The following B3GAT2 variants were observed in gnomAD, a reference collection of about 807,000 sequenced individuals.
B3GAT2 encodes galactosylgalactosylxylosylprotein 3-beta-glucuronosyltransferase 2.
Under a neutral mutation model 27.8 loss-of-function variants are expected in B3GAT2, and 26 were observed. That is an observed-to-expected ratio of 0.93 (90% CI 0.68 to 1.30). The LOEUF (loss-of-function observed/expected upper bound fraction) is 1.30. Among genes scored for constraint, B3GAT2 ranks in the 50% most tolerant of loss-of-function variants. The pLI is 0.00. For synonymous variants in B3GAT2, 218 were observed against 195.1 expected (o/e 1.12, Z -0.98); for missense variants, 458 against 459.0 (o/e 1.00, Z 0.02).
chr6:70,887,369 C>T (rs138236765), intron 2 of B3GAT2, among the ~76,000 whole-genome samples: 5 of 152,322 alleles, frequency 3.3e-5, no homozygotes, highest in African/African-American at 1.2e-4. Flanking sequence ...AGAGAGCCCA[C>T]AGAAAGCAGC....
Position 70,943,522 on chromosome 6 carries a change from C to T in B3GAT2, c.591+12317G>A, listed in dbSNP as rs191102679. Among the ~76,000 whole-genome samples, 27 of 152,288 alleles carry T rather than the reference C, an allele frequency of 1.8e-4. No individual in the cohort carries two copies. The East Asian group carries it at 3.3e-3, about 18-fold the overall frequency. On this transcript the variant is annotated intron_variant, in intron 1 of 3. Transcript: ENST00000230053. ...CATTCTACCCTGAAAATTATTCTTCCGTTCAGTTCTGCCTGCCCTGACATG... is the reference window on the plus strand; with the variant it reads ...CATTCTACCCTGAAAATTATTCTTCTGTTCAGTTCTGCCTGCCCTGACATG...
intron 1 of B3GAT2, among the ~76,000 whole-genome samples, chr6:70,918,065 G>C (rs901387989): frequency 6.6e-6 from 1 of 152,128 alleles, no homozygotes; most frequent in Non-Finnish European, 1.5e-5. Context: ...CTAAGAACTT[G>C]CTTTATGAAT....
intron 1 of B3GAT2, among the ~76,000 whole-genome samples, chr6:70,924,869 C>A (rs971035560): frequency 3.3e-5 from 5 of 152,204 alleles, no homozygotes; most frequent in Non-Finnish European, 5.9e-5. Flanking sequence ...TAGATGTGAA[C>A]AATTACCAGT....
intron 1 of B3GAT2, among the ~76,000 whole-genome samples, chr6:70,918,484 T>C (rs184474134): frequency 1.6e-3 from 250 of 152,342 alleles, no homozygotes; most frequent in African/African-American, 4.8e-3. Context: ...AGTTTCTTCA[T>C]AGCATCGATG....
At chr6:70,889,907 G>A (rs1315253989) in intron 2 of B3GAT2, among the ~76,000 whole-genome samples, 1 of 151,616 alleles carries the variant, frequency 6.6e-6, no homozygotes, top group African/African-American at 2.4e-5. Flanking sequence ...TCAGCCTCCT[G>A]AGTAGCTGGG....
intron 1 of B3GAT2, among the ~76,000 whole-genome samples, chr6:70,912,984 T>C (rs888088197): frequency 8.5e-5 from 13 of 152,218 alleles, no homozygotes; most frequent in Middle Eastern, 6.8e-3. Context: ...TCTTTTAAGG[T>C]TTTTTATATT....
In B3GAT2 at chr6:70,859,706, C is replaced by A; in HGVS notation, c.*1957G>T. 1 of 204,154 alleles carries A rather than the reference C, an allele frequency of 4.9e-6. No homozygotes were observed. The allele number at this position is 204,154 out of a possible 1,614,324, so 12.6% of individuals were successfully genotyped here. On this transcript the variant is annotated 3_prime_UTR_variant, in exon 4 of 4. Transcript: ENST00000230053. Reference sequence around the variant, plus strand: ...ATGTAATCTTATGCTTTATTGCATACAATGAAAATAAATTTTAGATGTTTA... The same window carrying A: ...ATGTAATCTTATGCTTTATTGCATAAAATGAAAATAAATTTTAGATGTTTA...
intron 1 of B3GAT2, among the ~76,000 whole-genome samples, chr6:70,903,094 TCAAA>T (rs1772535570): frequency 6.6e-6 from 1 of 152,048 alleles, no homozygotes; most frequent in Non-Finnish European, 1.5e-5. Flanking sequence ...TATACATGTA[TCAAA>T]TCATCATGTT....
chr6:70,954,137 G>A (rs1765614255), intron 1 of B3GAT2, among the ~76,000 whole-genome samples: 1 of 152,234 alleles, frequency 6.6e-6, no homozygotes, highest in Admixed American at 6.5e-5. Flanking sequence ...CTTCGAAGTT[G>A]TAGAAGAAAA....
In B3GAT2 at chr6:70,861,935, A is replaced by T. The variant is rs1339543950; in HGVS notation, c.780T>A (p.Ala260=). 1 of 1,613,964 alleles carries T rather than the reference A, an allele frequency of 6.2e-7. No individual in the cohort carries two copies. The highest frequency in any genetic ancestry group is 1.3e-5 in the African/African-American group (1 of 75,042). Residue 260 remains alanine (A), a synonymous_variant, in exon 3 of 4, where the codon GCT becomes GCA. Transcript: ENST00000230053. ...GCTGGGATCCACGACGCTTAAATAC[A>T]GCTTTTGGATTGGACAAAATGACTT... ...SLQVILSNPK[A]VFKRRGSQPG... is the part of the protein sequence containing the mutation.
chr6:70,881,206 AG>A (rs1222879648), intron 2 of B3GAT2, among the ~76,000 whole-genome samples: 7 of 152,102 alleles, frequency 4.6e-5, no homozygotes, highest in Admixed American at 4.6e-4. Flanking sequence ...CTCTCACATG[AG>A]GTTATTCCAG....
chr6:70,883,646 G>T (rs1458161302), intron 2 of B3GAT2, among the ~76,000 whole-genome samples: 1 of 152,126 alleles, frequency 6.6e-6, no homozygotes, highest in Non-Finnish European at 1.5e-5. Context: ...TTGGACAGTG[G>T]TTATGGTTGC....
rs529437849 is a variant in B3GAT2 at position 70,931,636 on chromosome 6, A to G, written c.591+24203T>C. Among the ~76,000 whole-genome samples the G allele has an allele frequency of 2.0e-5, 3 of 152,306 alleles. No individual in the cohort carries two copies. In the East Asian group the frequency reaches 5.8e-4, roughly 29 times the overall value. On this transcript the variant is annotated intron_variant, in intron 1 of 3. Coordinates refer to ENST00000230053, the MANE Select transcript of B3GAT2 (RefSeq NM_080742.3). ...AATGCAGCTGGGAAAAAAACTGGAT[A>G]TTCCCATGCAAAAGGATGAAGTTGA...
intron 1 of B3GAT2, among the ~76,000 whole-genome samples, chr6:70,940,059 A>C (rs1364945005): frequency 1.3e-5 from 2 of 151,944 alleles, no homozygotes; most frequent in African/African-American, 4.8e-5. Flanking sequence ...ACTGAAATGG[A>C]GGGTACAGGG....
At chr6:70,892,568 T>G (rs1054604845) in intron 2 of B3GAT2, among the ~76,000 whole-genome samples, 1 of 152,084 alleles carries the variant, frequency 6.6e-6, no homozygotes, top group East Asian at 1.9e-4. Flanking sequence ...CAATCCTCAC[T>G]TAGAAGCCCA....
intron 2 of B3GAT2, among the ~76,000 whole-genome samples, chr6:70,870,232 T>A (rs1314490540): frequency 6.6e-6 from 1 of 151,850 alleles, no homozygotes; most frequent in East Asian, 1.9e-4. Context: ...TGAGTTCATG[T>A]CCTTTGTAGG....
intron 1 of B3GAT2, among the ~76,000 whole-genome samples, chr6:70,894,695 G>A (rs568837036): frequency 5.9e-5 from 9 of 152,264 alleles, no homozygotes; most frequent in East Asian, 5.8e-4. Context: ...TCACAGGAGC[G>A]TCCTTTCTCT....
intron 2 of B3GAT2, among the ~76,000 whole-genome samples, chr6:70,890,653 AG>A (rs1248283758): frequency 1.3e-5 from 2 of 152,252 alleles, no homozygotes; most frequent in Non-Finnish European, 2.9e-5. Flanking sequence ...TCAGAAGTGC[AG>A]GTGGCCTGGG....
rs893521436 is a variant in B3GAT2 at position 70,857,393 on chromosome 6, TA to T, written c.*4269del. 2.9e-4 allele frequency: 50 copies of T among 172,586 alleles called. No homozygotes were observed. Among genetic ancestry groups the T allele is most frequent in the Non-Finnish European group, 5.2e-4 (42 of 81,460 alleles). 10.7% of individuals were successfully genotyped at this position (172,586 alleles called of 1,614,324 possible). On this transcript the variant is annotated 3_prime_UTR_variant, in exon 4 of 4. Coordinates refer to ENST00000230053, the MANE Select transcript of B3GAT2 (RefSeq NM_080742.3). Reference sequence around the variant, plus strand: ...AACAGTCTTGAGTTACCACATGGATTAAAAAAAATCTATGAATTTTTTTGTA... The same window carrying T: ...AACAGTCTTGAGTTACCACATGGATTAAAAAAATCTATGAATTTTTTTGTA...
Sources: allele counts gnomAD v4.1 joint callset (sites outside exome capture counted in the v4.1 genomes callset), GRCh38; gene constraint gnomAD v4.1.1; transcripts MANE v1.5; gene names NCBI Gene and HGNC (gene_info 2026-07-23, HGNC 2026-07-21).